Variants in CCDC73 observed in about 807,000 individuals in gnomAD.
CCDC73 encodes coiled-coil domain-containing protein 73.
In CCDC73, 95 loss-of-function variants were observed where a neutral mutation model predicts 116.5. The ratio of observed to expected loss-of-function variants is 0.82; its 90% CI spans 0.69 to 0.97. The LOEUF is 0.97. Ranked by LOEUF, CCDC73 falls within the 50% of genes least tolerant of loss-of-function variation. CCDC73 has a pLI of 0.00. For synonymous variants in CCDC73, 398 were observed against 401.3 expected, an observed-to-expected ratio of 0.99 and a Z score of 0.10; for missense variants, 1,066 against 1,206.8, an observed-to-expected ratio of 0.88 and a Z score of 1.73.
the CCDC73 span, among the ~76,000 whole-genome samples, chr11:32,811,814 A>G: frequency 6.6e-6 from 1 of 152,050 alleles, no homozygotes; most frequent in Non-Finnish European, 1.5e-5. Context: ...TAACCCAAAC[A>G]TCTCCCACTA....
At chr11:32,677,948 T>C (rs1259031102) in intron 7 of CCDC73, among the ~76,000 whole-genome samples, 1 of 75,858 alleles carries the variant, frequency 1.3e-5, no homozygotes, top group Non-Finnish European at 2.4e-5. Context: ...AGAGCAAGAT[T>C]CCATCTCAAA....
intron 9 of CCDC73, among the ~76,000 whole-genome samples, chr11:32,656,067 T>C (rs1396047277): frequency 8.0e-6 from 1 of 125,260 alleles, no homozygotes; most frequent in African/African-American, 3.1e-5. Flanking sequence ...TGGGCAGTTT[T>C]TCTTTTCTTT....
intron 14 of CCDC73, among the ~76,000 whole-genome samples, chr11:32,622,317 T>C (rs974832302): frequency 6.6e-6 from 1 of 152,126 alleles, no homozygotes; most frequent in Non-Finnish European, 1.5e-5. Flanking sequence ...CACCATGTAA[T>C]ACAATGCAGC....
intron 1 of CCDC73, among the ~76,000 whole-genome samples, chr11:32,765,240 G>C (rs1850430448): frequency 6.6e-6 from 1 of 152,266 alleles, no homozygotes; most frequent in African/African-American, 2.4e-5. Context: ...TCCAGGAATT[G>C]AACTCAGCTC....
the CCDC73 span, chr11:32,830,524 C>T: frequency 1.3e-6 from 2 of 1,555,234 alleles, no homozygotes; most frequent in Non-Finnish European, 8.6e-7. Context: ...TGACAGTTGC[C>T]AGACTATGTT....
At chr11:32,787,400 T>C (rs1394003106) in intron 1 of CCDC73, among the ~76,000 whole-genome samples, 1 of 152,206 alleles carries the variant, frequency 6.6e-6, no homozygotes, top group Non-Finnish European at 1.5e-5. Flanking sequence ...CCAGTAGGCT[T>C]TGACATTAGC....
chr11:32,758,439 G>A (rs1850362290), intron 2 of CCDC73: 1 of 478,548 alleles, frequency 2.1e-6, no homozygotes, highest in African/African-American at 2.0e-5. Context: ...AGGAGTTTGT[G>A]CTGTGAGACC....
chr11:32,656,059 G>C (rs1019073135), intron 9 of CCDC73, among the ~76,000 whole-genome samples: 3 of 150,606 alleles, frequency 2.0e-5, no homozygotes, highest in Admixed American at 6.6e-5. Context: ...GTAGGCAGTG[G>C]GCAGTTTTTC....
chr11:32,700,163 C>T (rs1158005010), intron 5 of CCDC73, among the ~76,000 whole-genome samples: 1 of 151,598 alleles, frequency 6.6e-6, no homozygotes, highest in East Asian at 1.9e-4. Context: ...TAATAAGATA[C>T]AGGTGGTATT....
chr11:32,706,800 A>G (rs1390370071), intron 3 of CCDC73, among the ~76,000 whole-genome samples: 1 of 152,180 alleles, frequency 6.6e-6, no homozygotes, highest in Non-Finnish European at 1.5e-5. Context: ...GAGAAATATT[A>G]TTTTCCTTTA....
intron 1 of CCDC73, among the ~76,000 whole-genome samples, chr11:32,792,263 A>AT (rs924334676): frequency 1.8e-4 from 27 of 149,954 alleles, no homozygotes; most frequent in African/African-American, 4.9e-4. Context: ...CTTGACCAGA[A>AT]TTTTTTTTTT....
At chr11:32,667,292 G>C (rs6484586) in intron 9 of CCDC73, among the ~76,000 whole-genome samples, 24,024 of 152,112 alleles carry the variant, frequency 0.16, 1,992 homozygotes, top group South Asian at 0.27. Context: ...AGGCCTCCTT[G>C]AGCTGTGGTG....
intron 6 of CCDC73, among the ~76,000 whole-genome samples, chr11:32,698,479 G>A (rs11031939): frequency 0.1 from 15,433 of 152,186 alleles, 1,052 homozygotes; most frequent in Non-Finnish European, 0.15. Flanking sequence ...CATAATAACA[G>A]TGGATCCATG....
chr11:32,746,229 T>C (rs1215305669), intron 2 of CCDC73, among the ~76,000 whole-genome samples: 1 of 152,224 alleles, frequency 6.6e-6, no homozygotes, highest in African/African-American at 2.4e-5. Flanking sequence ...AAAATTCTTT[T>C]CTTTAAGAAT....
At chr11:32,792,720 C>T (rs1255862625) in intron 1 of CCDC73, among the ~76,000 whole-genome samples, 1 of 152,216 alleles carries the variant, frequency 6.6e-6, no homozygotes. Context: ...TTTGATCAAA[C>T]TTGCAATAAC....
At chr11:32,762,028 G>A (rs534505141) in intron 1 of CCDC73, among the ~76,000 whole-genome samples, 3 of 152,264 alleles carry the variant, frequency 2.0e-5, no homozygotes, top group South Asian at 2.1e-4. Context: ...AAAGTCTGCT[G>A]ATTTAAATGT....
chr11:32,740,793 T>A (rs912581952), intron 2 of CCDC73, among the ~76,000 whole-genome samples: 2 of 152,034 alleles, frequency 1.3e-5, no homozygotes, highest in Non-Finnish European at 2.9e-5. Context: ...TTTCTTTTTT[T>A]TTGATGTAGA....
chr11:32,759,297 T>TG (rs1425908188), intron 2 of CCDC73, among the ~76,000 whole-genome samples: 2 of 151,484 alleles, frequency 1.3e-5, no homozygotes, highest in Non-Finnish European at 2.9e-5. Context: ...TTGCACAATA[T>TG]AGATAGCCTG....
the CCDC73 span, among the ~76,000 whole-genome samples, chr11:32,828,908 T>G: frequency 6.6e-6 from 1 of 152,218 alleles, no homozygotes; most frequent in Admixed American, 6.5e-5. Context: ...GATCAAGATT[T>G]CAAGATAATT....
Sources: allele counts gnomAD v4.1 joint callset (sites outside exome capture counted in the v4.1 genomes callset), GRCh38; gene constraint gnomAD v4.1.1; transcripts MANE v1.5; gene names NCBI Gene and HGNC (gene_info 2026-07-23, HGNC 2026-07-21).